Variants in PITPNM2 observed in about 807,000 individuals in gnomAD.
PITPNM2 encodes membrane-associated phosphatidylinositol transfer protein 2.
In PITPNM2, 35 loss-of-function variants were observed where a neutral mutation model predicts 132.2. That is an observed-to-expected ratio of 0.26 (90% CI 0.20 to 0.35). The LOEUF is 0.35. PITPNM2 is among the 10% of genes least tolerant of loss of function. The pLI, the probability that PITPNM2 is intolerant of heterozygous loss-of-function variation, is 1.00. For synonymous variants in PITPNM2, 738 were observed against 799.2 expected (o/e 0.92, Z 1.29); for missense variants, 1,332 against 1,912.0 (o/e 0.70, Z 5.66).
At chr12:123,096,902 G>A (rs530296880) in intron 2 of PITPNM2, among the ~76,000 whole-genome samples, 1 of 152,310 alleles carries the variant, frequency 6.6e-6, no homozygotes, top group South Asian at 2.1e-4. Context: ...CAAAAACGAG[G>A]CCCAGGGAAG....
intron 25 of PITPNM2, 25 bp downstream of exon 25, chr12:122,986,411 C>A: frequency 6.4e-7 from 1 of 1,566,574 alleles, no homozygotes; most frequent in Non-Finnish European, 8.6e-7. Flanking sequence ...CCGCCTGCAC[C>A]CGCCCCCACA....
At chr12:123,096,740 C>T (rs2137173997) in intron 2 of PITPNM2, among the ~76,000 whole-genome samples, 1 of 152,294 alleles carries the variant, frequency 6.6e-6, no homozygotes. Flanking sequence ...GAAGACAAAG[C>T]TGTACTCTTG....
chr12:122,998,734 A>C (rs1379195910), intron 10 of PITPNM2, among the ~76,000 whole-genome samples: 1 of 101,046 alleles, frequency 9.9e-6, no homozygotes, highest in African/African-American at 3.9e-5. Flanking sequence ...TGAACTGGCC[A>C]GGGGGTAGGG....
At chr12:123,056,975 A>G (rs2041050734) in intron 2 of PITPNM2, among the ~76,000 whole-genome samples, 1 of 152,222 alleles carries the variant, frequency 6.6e-6, no homozygotes, top group African/African-American at 2.4e-5. Flanking sequence ...TGGACAAGTC[A>G]GAGTACTCAG....
Position 123,150,678 on chromosome 12 carries a change from C to T in PITPNM2, c.-200+75G>A, listed in dbSNP as rs1380748421. 6.6e-6 allele frequency among the ~76,000 whole-genome samples: 1 copy of T among 150,922 alleles called. No individual in the cohort carries two copies. Among genetic ancestry groups the T allele is most frequent in the Non-Finnish European group, 1.5e-5 (1 of 67,586 alleles). ...CTCTCTGGGAGCCGCCGCCCAGATC[C>T]CCAGGTCCCCGGCCAGCGCCCGGCA... On this transcript the variant is annotated intron_variant, in intron 1 of 25. Transcript: ENST00000320201. The surrounding 1 kb of genome is among the most constrained non-coding windows in gnomAD (Gnocchi z 6.0).
At chr12:123,057,850 A>T (rs2041090963) in intron 2 of PITPNM2, among the ~76,000 whole-genome samples, 1 of 152,210 alleles carries the variant, frequency 6.6e-6, no homozygotes, top group Middle Eastern at 3.2e-3. Context: ...ACAGAGGAGG[A>T]GGTACAGCTA....
rs571817677 is a variant in PITPNM2 at position 123,150,405 on chromosome 12, G to T, written c.-200+348C>A. The stretch of plus-strand genomic sequence containing the variant: ...CCTTCCTCGCCCTGGCACCGGCACT[G>T]CCCACGCCTGCCCCCCGACCGCTAT... On this transcript the variant is annotated intron_variant, in intron 1 of 25. Coordinates refer to ENST00000320201, the MANE Select transcript of PITPNM2 (RefSeq NM_020845.3). This position sits in a 1 kb window ranked among gnomAD's most constrained non-coding sequence, Gnocchi z 6.0. Among the ~76,000 whole-genome samples, 5 of 151,560 alleles carry T rather than the reference G, an allele frequency of 3.3e-5. No individual in the cohort carries two copies. The East Asian group carries it at 9.9e-4, about 30-fold the overall frequency.
rs1199982366 is a variant in PITPNM2 at position 123,095,498 on chromosome 12, G to GCCTGCCCCCT, written c.-96+14877_-96+14886dup. ...GCAAGATGTCGTGATGTTGCCACCA[G>GCCTGCCCCCT]CCTGCCCCCTCCTCCCCCCGCCTCC... On this transcript the variant is annotated intron_variant, in intron 2 of 25. Coordinates refer to ENST00000320201, the MANE Select transcript of PITPNM2 (RefSeq NM_020845.3). The surrounding 1 kb of genome is among the most constrained non-coding windows in gnomAD (Gnocchi z 5.0). 6.6e-6 allele frequency among the ~76,000 whole-genome samples: 1 copy of GCCTGCCCCCT among 152,182 alleles called. No homozygotes were observed. The highest frequency in any genetic ancestry group is 1.5e-5 in the Non-Finnish European group (1 of 68,026).
chr12:123,007,273 C>T (rs1455408841), intron 6 of PITPNM2, among the ~76,000 whole-genome samples: 5 of 152,188 alleles, frequency 3.3e-5, no homozygotes, highest in Non-Finnish European at 7.4e-5. Flanking sequence ...GATTGTGTGG[C>T]ATCCGTGTGT....
chr12:123,019,134 T>A (rs527553303), intron 3 of PITPNM2, among the ~76,000 whole-genome samples: 6 of 152,174 alleles, frequency 3.9e-5, no homozygotes, highest in African/African-American at 1.4e-4. Flanking sequence ...TAGGTAGTGG[T>A]GATGGTTGCA....
At chr12:122,987,696 T>C in intron 21 of PITPNM2, 37 bp from the exon 22 acceptor site, 1 of 1,611,344 alleles carries the variant, frequency 6.2e-7, no homozygotes, top group Non-Finnish European at 8.5e-7. Flanking sequence ...TGGCTGTGTC[T>C]GGCCTCTCCA....
chr12:122,986,850 C>T, intron 23 of PITPNM2, 21 bp from the exon 24 acceptor site: 1 of 1,587,142 alleles, frequency 6.3e-7, no homozygotes, highest in Non-Finnish European at 8.6e-7. Flanking sequence ...GGTGTCGTCT[C>T]ATGGTCACCC....
Position 123,150,645 on chromosome 12 carries a change from G to A in PITPNM2, c.-200+108C>T, listed in dbSNP as rs1593040573. On this transcript the variant is annotated intron_variant, in intron 1 of 25. Transcript: ENST00000320201. This position sits in a 1 kb window ranked among gnomAD's most constrained non-coding sequence, Gnocchi z 6.0. ...GGCTGGAGGCTCGGCGGGCGGGCGG[G>A]CCGGGGCCTCTCTGGGAGCCGCCGC... 6.6e-6 allele frequency among the ~76,000 whole-genome samples: 1 copy of A among 150,964 alleles called. No homozygotes were observed. The highest frequency in any genetic ancestry group is 2.0e-4 in the East Asian group (1 of 5,084).
Position 122,996,853 on chromosome 12 carries a change from G to A in PITPNM2, c.1530C>T (p.Pro510=), listed in dbSNP as rs1381019074. 3 of 1,597,798 alleles carry A rather than the reference G, an allele frequency of 1.9e-6. No homozygotes were observed. Among genetic ancestry groups the A allele is most frequent in the Admixed American group, 1.9e-5 (1 of 53,988 alleles). ...GCLSSSQDHI[P]LAALPLLATS... Reference sequence around the variant, plus strand: ...TGGCCAGCAGGGGGAGGGCAGCCAGGGGAATGTGGTCCTGACTGCTGGACA... The same window carrying A: ...TGGCCAGCAGGGGGAGGGCAGCCAGAGGAATGTGGTCCTGACTGCTGGACA... The change falls in exon 12 of 26, where the codon CCC becomes CCT. Residue 510 remains proline (P), a synonymous_variant. Coordinates refer to ENST00000320201, the MANE Select transcript of PITPNM2 (RefSeq NM_020845.3).
At chr12:123,059,889 T>A (rs918101892) in intron 2 of PITPNM2, among the ~76,000 whole-genome samples, 24 of 151,570 alleles carry the variant, frequency 1.6e-4, no homozygotes, top group African/African-American at 5.8e-4. Flanking sequence ...TAGAACTAGA[T>A]AAAGGTGGTG....
At chr12:123,003,486 C>T (rs1022229163) in intron 8 of PITPNM2, among the ~76,000 whole-genome samples, 3 of 152,242 alleles carry the variant, frequency 2.0e-5, no homozygotes, top group African/African-American at 7.2e-5. Flanking sequence ...GAGGCCAGCT[C>T]GGGAGTCCCC....
intron 2 of PITPNM2, among the ~76,000 whole-genome samples, chr12:123,104,281 C>A (rs181897549): frequency 6.6e-6 from 1 of 152,244 alleles, no homozygotes; most frequent in African/African-American, 2.4e-5. Flanking sequence ...GCAGCCCCCA[C>A]ACACCCGCTG....
chr12:123,151,111 G>A (rs1236331499), upstream of PITPNM2, among the ~76,000 whole-genome samples: 2 of 146,296 alleles, frequency 1.4e-5, no homozygotes, highest in Non-Finnish European at 3.0e-5. Context: ...GCCGGGCCGG[G>A]CTCGCATTCC....
Position 122,990,657 on chromosome 12 carries a change from G to C in PITPNM2, c.2457C>G (p.Ser819=). The C allele has an allele frequency of 6.2e-7, 1 of 1,611,928 alleles. No homozygotes were observed. The highest frequency in any genetic ancestry group is 1.7e-4 in the Middle Eastern group (1 of 6,056). The change falls in exon 17 of 26, where the codon TCC becomes TCG. Residue 819 remains serine, a synonymous_variant. Transcript: ENST00000320201. Reference sequence around the variant, plus strand: ...GACTGGCAGGGGCAGTGCCCGGCGAGGAGGGGGCGCCATGCTCTTGGAAGG... The same window carrying C: ...GACTGGCAGGGGCAGTGCCCGGCGACGAGGGGGCGCCATGCTCTTGGAAGG... ...NAAFQEHGAP[S]SPGTAPASRG...
Sources: allele counts gnomAD v4.1 joint callset (sites outside exome capture counted in the v4.1 genomes callset), GRCh38; gene constraint gnomAD v4.1.1; non-coding constraint Gnocchi (gnomAD v3.1); transcripts MANE v1.5; gene names NCBI Gene and HGNC (gene_info 2026-07-23, HGNC 2026-07-21).